The following ALOXE3 variants were observed in gnomAD, a reference collection of about 807,000 sequenced individuals.
ALOXE3 encodes arachidonate epidermal lipoxygenase 3.
A neutral mutation model predicts 87.5 loss-of-function variants in ALOXE3; 78 were observed. The observed-to-expected ratio is 0.89, with a 90% CI of 0.74 to 1.08. The LOEUF is 1.08. Ranked by LOEUF, ALOXE3 falls within the 50% of genes least tolerant of loss-of-function variation. The pLI is 0.00. For synonymous variants in ALOXE3, 363 were observed against 370.8 expected, an observed-to-expected ratio of 0.98 and a Z score of 0.24; for missense variants, 946 against 912.4, an observed-to-expected ratio of 1.04 and a Z score of -0.47.
chr17:8,117,408 A>G (rs964092143), intron 2 of ALOXE3, among the ~76,000 whole-genome samples: 1 of 152,238 alleles, frequency 6.6e-6, no homozygotes. Flanking sequence ...CAACAAGAGC[A>G]AAACTCCATC....
intron 15 of ALOXE3, among the ~76,000 whole-genome samples, chr17:8,098,367 G>C (rs1978707045): frequency 1.3e-5 from 2 of 149,256 alleles, no homozygotes; most frequent in Admixed American, 1.4e-4. Context: ...AGCCTCCCGA[G>C]TAGCTGGGAT....
At chr17:8,110,659 G>A in intron 8 of ALOXE3, 131 bp from the exon 9 acceptor site, 3 of 1,330,328 alleles carry the variant, frequency 2.3e-6, no homozygotes, top group Non-Finnish European at 3.1e-6. Flanking sequence ...CTTGGTGCCT[G>A]AATTAATGGC....
At chr17:8,105,282 C>T (rs151224382) in intron 13 of ALOXE3, among the ~76,000 whole-genome samples, 1 of 152,264 alleles carries the variant, frequency 6.6e-6, no homozygotes, top group Non-Finnish European at 1.5e-5. Context: ...AATTCAGGGC[C>T]TGCACACTTA....
chr17:8,103,286 A>G, intron 15 of ALOXE3, 37 bp downstream of exon 15: 2 of 1,611,716 alleles, frequency 1.2e-6, no homozygotes, highest in Non-Finnish European at 1.7e-6. Context: ...TGGTGGCCCT[A>G]AAGAACCCTA....
intron 6 of ALOXE3, among the ~76,000 whole-genome samples, chr17:8,112,571 A>G (rs1432560681): frequency 6.6e-6 from 1 of 152,138 alleles, no homozygotes; most frequent in African/African-American, 2.4e-5. Context: ...TGACTAGCCC[A>G]TGGAGATCCC....
intron 15 of ALOXE3, among the ~76,000 whole-genome samples, chr17:8,099,022 C>CA (rs1555645584): frequency 7.9e-6 from 1 of 126,738 alleles, no homozygotes; most frequent in Non-Finnish European, 1.6e-5. Context: ...GGCTAGTTTT[C>CA]TTTTTTTTTT....
At chr17:8,106,257 A>C (rs1323434583) in intron 13 of ALOXE3, among the ~76,000 whole-genome samples, 1 of 152,164 alleles carries the variant, frequency 6.6e-6, no homozygotes, top group Non-Finnish European at 1.5e-5. Context: ...TAAGGTTTGG[A>C]GTCAGGCTGA....
upstream of ALOXE3, chr17:8,118,861 G>T (rs559517578): frequency 7.2e-4 from 1,093 of 1,527,236 alleles, 9 homozygotes; most frequent in African/African-American, 0.014. Flanking sequence ...CTAGGGACTG[G>T]GGAGGAACCT....
intron 14 of ALOXE3, 109 bp downstream of exon 14, chr17:8,104,005 TA>T: frequency 1.1e-6 from 1 of 927,888 alleles, no homozygotes; most frequent in Non-Finnish European, 1.7e-6. Context: ...ACCCCAAGTC[TA>T]ATCATAAACC....
rs753557724 is a variant in ALOXE3 at position 8,114,481 on chromosome 17, T to C, written c.680+3A>G. On this transcript the variant is annotated splice_donor_region_variant and intron_variant, in intron 6 of 15. Transcript: ENST00000448843. ...ATGTTCATTAGAGGGACAATGGCCTTACGCAGGGATGGCATTGAAGAGCAG... is the reference window on the plus strand; with the variant it reads ...ATGTTCATTAGAGGGACAATGGCCTCACGCAGGGATGGCATTGAAGAGCAG... 4 of 1,613,374 alleles carry C rather than the reference T, an allele frequency of 2.5e-6. No individual in the cohort carries two copies. The East Asian group carries it at 8.9e-5, about 36-fold the overall frequency.
intron 6 of ALOXE3, among the ~76,000 whole-genome samples, chr17:8,114,268 C>G (rs551237399): frequency 9.0e-6 from 1 of 110,574 alleles, no homozygotes; most frequent in East Asian, 2.4e-4. Context: ...GAGAGGGGAA[C>G]TGGGGAGCAC....
At chr17:8,103,753 T>C (rs1979079996) in intron 14 of ALOXE3, among the ~76,000 whole-genome samples, 1 of 151,718 alleles carries the variant, frequency 6.6e-6, no homozygotes, top group Non-Finnish European at 1.5e-5. Flanking sequence ...CAGGACTCGG[T>C]GGGGTGAGTC....
intron 15 of ALOXE3, among the ~76,000 whole-genome samples, chr17:8,097,186 G>A (rs370751356): frequency 9.9e-5 from 15 of 152,254 alleles, no homozygotes; most frequent in African/African-American, 3.4e-4. Context: ...CTGGAGTACA[G>A]TGGTGTGATC....
intron 6 of ALOXE3, among the ~76,000 whole-genome samples, chr17:8,113,380 C>T (rs1322528347): frequency 3.3e-5 from 5 of 152,224 alleles, no homozygotes; most frequent in Non-Finnish European, 7.3e-5. Flanking sequence ...AGGCCAGATG[C>T]GGTGGCTCAC....
At chr17:8,113,545 C>A (rs1020327705) in intron 6 of ALOXE3, among the ~76,000 whole-genome samples, 1 of 151,864 alleles carries the variant, frequency 6.6e-6, no homozygotes, top group South Asian at 2.1e-4. Flanking sequence ...CCCAGCTACT[C>A]GGGAGGCTGA....
At chr17:8,118,350 G>A in intron 1 of ALOXE3, 47 bp from the exon 2 acceptor site, 1 of 1,551,764 alleles carries the variant, frequency 6.4e-7, no homozygotes, top group South Asian at 1.2e-5. Context: ...AGGAGGTAAC[G>A]CCTGTATAAT....
intron 7 of ALOXE3, 46 bp from the exon 8 acceptor site, chr17:8,111,577 T>C: frequency 6.2e-7 from 1 of 1,600,128 alleles, no homozygotes; most frequent in South Asian, 1.1e-5. Context: ...ACTACTTCCC[T>C]AGATCCTAGT....
chr17:8,108,313 A>G (rs1027747193), intron 13 of ALOXE3, among the ~76,000 whole-genome samples, 155 bp downstream of exon 13: 1 of 152,232 alleles, frequency 6.6e-6, no homozygotes, highest in East Asian at 1.9e-4. Flanking sequence ...CGCCTTGCAC[A>G]GCCTTCTTTG....
At position 8,112,115 on chromosome 17, in the gene ALOXE3, C is replaced by A. The variant is rs745600301; in HGVS notation, c.762G>T (p.Trp254Cys). ...CACTTGTCGTGAAGGTCTTATGGCA[C>A]CAGAAGATGTTCTGCATGTCATCCA... ...KKLDDMQNIF[W>C]CHKTFTTKYV... The change falls in exon 7 of 16, where the codon TGG (tryptophan) becomes TGT (cysteine). Residue 254 changes from tryptophan to cysteine, a missense_variant. By Grantham distance (215) the Trp-to-Cys change is radical. Transcript: ENST00000448843. The A allele has an allele frequency of 6.2e-7, 1 of 1,613,986 alleles. No individual in the cohort carries two copies. Among genetic ancestry groups the A allele is most frequent in the East Asian group, 2.2e-5 (1 of 44,888 alleles).
Sources: gnomAD v4.1 joint callset for allele counts (sites outside exome capture counted in the v4.1 genomes callset) on GRCh38, gnomAD v4.1.1 for gene constraint, MANE v1.5 for transcripts, NCBI Gene and HGNC (gene_info 2026-07-23, HGNC 2026-07-21) for gene names.